GDAP1L1: variants seen among roughly 807,000 people sequenced by gnomAD.
GDAP1L1 encodes the protein ganglioside induced differentiation associated protein 1 like 1.
Under a neutral mutation model 37.1 loss-of-function variants are expected in GDAP1L1, and 21 were observed. The ratio of observed to expected loss-of-function variants is 0.57; its 90% CI spans 0.40 to 0.81. The LOEUF (loss-of-function observed/expected upper bound fraction) is 0.81, where lower values mean the gene tolerates loss of function less well. GDAP1L1 is among the 40% of genes least tolerant of loss of function. The pLI, the probability that GDAP1L1 is intolerant of heterozygous loss-of-function variation, is 0.00. For synonymous variants in GDAP1L1, 193 were observed against 209.1 expected (o/e 0.92, Z 0.67); for missense variants, 362 against 491.6 (o/e 0.74, Z 2.49).
chr20:44,264,610 C>A, intron 5 of GDAP1L1, 51 bp downstream of exon 5: 1 of 1,587,534 alleles, frequency 6.3e-7, no homozygotes, highest in Non-Finnish European at 8.6e-7. Flanking sequence ...CCAGCCTACT[C>A]TTCCCCTGCC....
intron 5 of GDAP1L1, among the ~76,000 whole-genome samples, chr20:44,271,448 C>T (rs2062514767): frequency 6.6e-6 from 1 of 152,070 alleles, no homozygotes; most frequent in Admixed American, 6.6e-5. Context: ...CTTGAGCAAG[C>T]CAGGATAAGA....
intron 5 of GDAP1L1, chr20:44,265,030 A>T (rs1469940120): frequency 2.0e-6 from 2 of 985,282 alleles, no homozygotes; most frequent in African/African-American, 3.5e-5. Flanking sequence ...TATGTCCCGA[A>T]CAGAGACATC....
At chr20:44,267,333 G>T (rs1026819188) in intron 5 of GDAP1L1, among the ~76,000 whole-genome samples, 2 of 152,202 alleles carry the variant, frequency 1.3e-5, no homozygotes, top group East Asian at 3.8e-4. Flanking sequence ...TGATAGGTTG[G>T]GCACAGTGGC....
At chr20:44,261,019 C>A (rs1043135681) in intron 3 of GDAP1L1, among the ~76,000 whole-genome samples, 2 of 152,214 alleles carry the variant, frequency 1.3e-5, no homozygotes, top group Non-Finnish European at 2.9e-5. Flanking sequence ...GGCACTCTCC[C>A]TCAATCTTGC....
chr20:44,257,039 G>A (rs74848192), intron 1 of GDAP1L1, 114 bp from the exon 2 acceptor site: 11 of 1,099,310 alleles, frequency 1.0e-5, no homozygotes, highest in African/African-American at 3.2e-5. Context: ...GAAAGCAATC[G>A]TGTCCCCTCC....
At chr20:44,258,298 C>T (rs1352226047) in intron 2 of GDAP1L1, 136 bp from the exon 3 acceptor site, 7 of 860,162 alleles carry the variant, frequency 8.1e-6, no homozygotes, top group Non-Finnish European at 1.4e-5. Context: ...CCCCTGTCCG[C>T]CAGCAGCCAA....
chr20:44,272,253 C>T (rs1175666626), intron 5 of GDAP1L1, among the ~76,000 whole-genome samples: 1 of 152,080 alleles, frequency 6.6e-6, no homozygotes, highest in East Asian at 1.9e-4. Context: ...AGGGCTTGGC[C>T]GTGGGGTTAG....
intron 5 of GDAP1L1, among the ~76,000 whole-genome samples, chr20:44,272,850 C>G (rs2062534099): frequency 6.6e-6 from 1 of 152,236 alleles, no homozygotes; most frequent in South Asian, 2.1e-4. Context: ...TAATCCCACA[C>G]CACGTGGACA....
At chr20:44,262,438 G>T (rs2073689675) in intron 3 of GDAP1L1, among the ~76,000 whole-genome samples, 1 of 151,988 alleles carries the variant, frequency 6.6e-6, no homozygotes, top group South Asian at 2.1e-4. Context: ...AGGGGATGCT[G>T]CAATTTGGGA....
At chr20:44,270,641 T>C (rs4812809) in intron 5 of GDAP1L1, among the ~76,000 whole-genome samples, 28,142 of 152,068 alleles carry the variant, frequency 0.19, 2,867 homozygotes, top group Middle Eastern at 0.28. Context: ...AGGATCCACT[T>C]CCAAGCTGCC....
intron 5 of GDAP1L1, chr20:44,264,927 T>C (rs183388139): frequency 3.8e-6 from 4 of 1,057,398 alleles, no homozygotes; most frequent in Non-Finnish European, 4.6e-6. Flanking sequence ...AGGCAGCTCA[T>C]AGATGTCATG....
Position 44,279,065 on chromosome 20 carries a change from G to A in GDAP1L1, c.869G>A (p.Trp290Ter). Reference sequence around the variant, plus strand: ...TTCCTGGGACTGTCCAAGAAATACTGGGAAGATGGCAGCCGGCCCAACCTG... The same window carrying A: ...TTCCTGGGACTGTCCAAGAAATACTAGGAAGATGGCAGCCGGCCCAACCTG... Reference protein sequence around the residue: ...LKFLGLSKKYWEDGSRPNLQS... With the variant: ...LKFLGLSKKY Residue 290 changes from tryptophan to a stop codon, truncating the protein, a stop_gained, in exon 6 of 6, where the codon TGG becomes TAG. Transcript: ENST00000342560. LOFTEE classifies it high-confidence loss of function. The A allele has an allele frequency of 1.9e-6, 3 of 1,614,100 alleles. No homozygotes were observed. Among genetic ancestry groups the A allele is most frequent in the Non-Finnish European group, 2.5e-6 (3 of 1,179,938 alleles).
Position 44,279,152 on chromosome 20 carries a change from A to C in GDAP1L1, c.956A>C (p.His319Pro). 1 of 1,614,096 alleles carries C rather than the reference A, an allele frequency of 6.2e-7. No homozygotes were observed. The highest frequency in any genetic ancestry group is 8.5e-7 in the Non-Finnish European group (1 of 1,179,990). The change falls in exon 6 of 6, where the codon CAC becomes CCC. Residue 319 changes from histidine to proline, a missense_variant. By Grantham distance (77) the His-to-Pro change is moderately conservative (BLOSUM62 -2). Around this residue, in one of 2 missense-constraint regions of GDAP1L1, gnomAD observed 85 missense variants for 154.4 expected, o/e 0.55. Coordinates refer to ENST00000342560, the MANE Select transcript of GDAP1L1 (RefSeq NM_024034.6). ...FAFRKVLGDI[H>P]TTLLSAVIPN... is the part of the protein sequence containing the mutation. ...TTCCGGAAAGTCCTGGGTGACATCC[A>C]CACCACCCTGCTGTCGGCCGTCATC...
intron 5 of GDAP1L1, chr20:44,265,040 C>A (rs2073739774): frequency 1.0e-6 from 1 of 985,376 alleles, no homozygotes. Flanking sequence ...ACAGAGACAT[C>A]ATCATGCATA....
intron 5 of GDAP1L1, among the ~76,000 whole-genome samples, chr20:44,274,964 C>T (rs1386382538): frequency 6.6e-6 from 1 of 152,168 alleles, no homozygotes; most frequent in Non-Finnish European, 1.5e-5. Flanking sequence ...GTGAAAAAGG[C>T]TCACTGCAAC....
At chr20:44,247,170 C>A, upstream of GDAP1L1, 1 of 695,028 alleles carries the variant, frequency 1.4e-6, no homozygotes, top group Non-Finnish European at 2.4e-6. Flanking sequence ...AAGGAGCTCC[C>A]GGGATCCCCT....
intron 5 of GDAP1L1, chr20:44,264,855 G>T: frequency 8.7e-7 from 1 of 1,148,560 alleles, no homozygotes. Context: ...CACGTAGAGT[G>T]CTTAGATCAG....
chr20:44,280,203 A>G lies in GDAP1L1; in HGVS notation c.*903A>G. On this transcript the variant is annotated 3_prime_UTR_variant, in exon 6 of 6. Transcript: ENST00000342560. ...CTGTCACTCCCGGGGCTGTCCCTGT[A>G]CTACACGGTGCCATGGAGCCGGGGA... 1 of 197,758 alleles carries G rather than the reference A, an allele frequency of 5.1e-6. No homozygotes were observed. Among genetic ancestry groups the G allele is most frequent in the Admixed American group, 5.4e-5 (1 of 18,564 alleles). The allele number at this position is 197,758 out of a possible 1,614,324, so 12.3% of individuals were successfully genotyped here. A position where few individuals can be genotyped will look rare whatever the true frequency, so the allele number is the denominator to read the frequency against.
intron 5 of GDAP1L1, among the ~76,000 whole-genome samples, chr20:44,266,869 T>C (rs2073769262): frequency 6.6e-6 from 1 of 152,184 alleles, no homozygotes; most frequent in South Asian, 2.1e-4. Flanking sequence ...TCCAATCTTT[T>C]GGCTTCCTTG....
Sources: gnomAD v4.1 joint callset for allele counts (sites outside exome capture counted in the v4.1 genomes callset) on GRCh38, gnomAD v4.1.1 for gene constraint, gnomAD v4.1.1 regional missense constraint, MANE v1.5 for transcripts, NCBI Gene and HGNC (gene_info 2026-07-23, HGNC 2026-07-21) for gene names.